PTPRT: variants seen among roughly 807,000 people sequenced by gnomAD.
PTPRT encodes receptor-type tyrosine-protein phosphatase T.
A neutral mutation model predicts 176.8 loss-of-function variants in PTPRT; 56 were observed. The ratio of observed to expected loss-of-function variants is 0.32; its 90% CI spans 0.26 to 0.40. The LOEUF (loss-of-function observed/expected upper bound fraction) is 0.40. Among genes scored for constraint, PTPRT ranks in the 10% least tolerant of loss-of-function variants. The pLI is 1.00. For missense variants in PTPRT, 1,540 were observed against 1,908.2 expected (o/e 0.81, Z 3.60); for synonymous variants, 783 against 739.0 (o/e 1.06, Z -0.96).
intron 11 of PTPRT, among the ~76,000 whole-genome samples, chr20:42,350,218 T>TG (rs1454644605): frequency 6.8e-5 from 3 of 44,402 alleles, no homozygotes; most frequent in South Asian, 1.2e-3. Context: ...TTTCTTGTTT[T>TG]TTTTTTTTTT....
chr20:42,220,761 A>C (rs954807906), intron 15 of PTPRT, among the ~76,000 whole-genome samples: 1 of 152,218 alleles, frequency 6.6e-6, no homozygotes, highest in African/African-American at 2.4e-5. Flanking sequence ...ATAGGATACT[A>C]TAAACAAAAA....
intron 2 of PTPRT, among the ~76,000 whole-genome samples, chr20:42,865,892 A>T (rs1349323156): frequency 1.3e-5 from 2 of 152,104 alleles, no homozygotes; most frequent in Non-Finnish European, 2.9e-5. Flanking sequence ...TCAGGCTCCC[A>T]TTCCTCTACC....
Position 42,403,164 on chromosome 20 carries a change from G to C in PTPRT, c.1560+45056C>G, listed in dbSNP as rs562482250. On this transcript the variant is annotated intron_variant, in intron 9 of 30. Transcript: ENST00000373187. ...ATAGTTTCAGTCATTCTAGGTATACGATTTTTGCATTTTGCATATATTGCT... is the reference window on the plus strand; with the variant it reads ...ATAGTTTCAGTCATTCTAGGTATACCATTTTTGCATTTTGCATATATTGCT... Among the ~76,000 whole-genome samples, 3 of 151,962 alleles carry C rather than the reference G, an allele frequency of 2.0e-5. No homozygotes were observed. The East Asian group carries it at 5.8e-4, about 30-fold the overall frequency.
At chr20:42,106,673 A>C in intron 24 of PTPRT, 113 bp downstream of exon 24, 1 of 1,394,958 alleles carries the variant, frequency 7.2e-7, no homozygotes, top group Non-Finnish European at 9.8e-7. Context: ...CTTCTCTCAC[A>C]CCCAGGTCCT....
chr20:42,821,144 T>C (rs2077886265), intron 2 of PTPRT, among the ~76,000 whole-genome samples: 1 of 152,134 alleles, frequency 6.6e-6, no homozygotes, highest in African/African-American at 2.4e-5. Flanking sequence ...CTGATAAACA[T>C]CAATGTGAAA....
At chr20:42,458,721 A>G (rs1032916748) in intron 8 of PTPRT, among the ~76,000 whole-genome samples, 1 of 152,194 alleles carries the variant, frequency 6.6e-6, no homozygotes, top group Non-Finnish European at 1.5e-5. Context: ...TAGAAGCTAT[A>G]TCTTCTCATA....
chr20:42,926,044 C>A (rs1285310362), intron 1 of PTPRT, among the ~76,000 whole-genome samples: 1 of 152,218 alleles, frequency 6.6e-6, no homozygotes, highest in Non-Finnish European at 1.5e-5. Flanking sequence ...GATGGGCCGT[C>A]CCCTCTCAGG....
In PTPRT at chr20:42,133,137, G is replaced by A. The variant is rs184200547; in HGVS notation, c.2771-4307C>T. Among the ~76,000 whole-genome samples, 29 of 152,258 alleles carry A rather than the reference G, an allele frequency of 1.9e-4. 1 individual carries two copies. Among genetic ancestry groups the A allele is most frequent in the African/African-American group, 7.0e-4 (29 of 41,550 alleles). On this transcript the variant is annotated intron_variant, in intron 18 of 30. Transcript: ENST00000373187. ...CATATTCTACACTTTATTATAAAAT[G>A]TACTTTGTATTAGATGATTTTGCCC...
chr20:42,703,844 A>T (rs1432853947), intron 6 of PTPRT, among the ~76,000 whole-genome samples: 1 of 152,150 alleles, frequency 6.6e-6, no homozygotes, highest in African/African-American at 2.4e-5. Flanking sequence ...TGCTCTAAGA[A>T]ATAGAAAAGC....
At chr20:43,156,373 T>A (rs1162332970) in intron 1 of PTPRT, among the ~76,000 whole-genome samples, 1 of 152,158 alleles carries the variant, frequency 6.6e-6, no homozygotes, top group Non-Finnish European at 1.5e-5. Context: ...TGTGGTTTCC[T>A]GGGAAGTTAA....
intron 1 of PTPRT, among the ~76,000 whole-genome samples, chr20:42,931,265 C>T (rs1979829885): frequency 6.6e-6 from 1 of 152,128 alleles, no homozygotes; most frequent in Admixed American, 6.6e-5. Flanking sequence ...GGTCCTAATC[C>T]AATGGGATTG....
chr20:42,245,822 A>C (rs1240893881), intron 14 of PTPRT, among the ~76,000 whole-genome samples: 2 of 152,020 alleles, frequency 1.3e-5, no homozygotes, highest in East Asian at 3.9e-4. Context: ...GGGGGCTTTG[A>C]GTCAGCTGAA....
chr20:42,385,127 G>A (rs1196161010), intron 9 of PTPRT, among the ~76,000 whole-genome samples: 1 of 152,048 alleles, frequency 6.6e-6, no homozygotes, highest in Non-Finnish European at 1.5e-5. Flanking sequence ...TGTTGTTTAT[G>A]CTTTTAATGT....
At chr20:42,259,800 C>A (rs1335106063) in intron 13 of PTPRT, among the ~76,000 whole-genome samples, 1 of 152,126 alleles carries the variant, frequency 6.6e-6, no homozygotes, top group Non-Finnish European at 1.5e-5. Context: ...GTCAAACTTG[C>A]CCACAAGTGT....
chr20:42,680,470 T>A lies in PTPRT; in HGVS notation c.860-2311A>T, dbSNP rs576278882. ...GGCAGGCAGATAATTTCTAAGCTCA[T>A]CCTTTGTGCATGTTAAATATATGGA... On this transcript the variant is annotated intron_variant, in intron 6 of 30. Coordinates refer to ENST00000373187, the MANE Select transcript of PTPRT (RefSeq NM_007050.6). 5.9e-5 allele frequency among the ~76,000 whole-genome samples: 9 copies of A among 152,338 alleles called. No homozygotes were observed. In the South Asian group the frequency reaches 1.9e-3, roughly 32 times the overall value.
At chr20:42,409,520 T>TAAAAAA (rs2058993773) in intron 9 of PTPRT, among the ~76,000 whole-genome samples, 1 of 123,150 alleles carries the variant, frequency 8.1e-6, no homozygotes, top group African/African-American at 3.3e-5. Context: ...AAAAAAAAAG[T>TAAAAAA]ATTATTTATA....
intron 3 of PTPRT, among the ~76,000 whole-genome samples, chr20:42,782,745 C>T (rs1056513444): frequency 2.1e-4 from 32 of 152,038 alleles, no homozygotes; most frequent in Admixed American, 2.0e-3. Flanking sequence ...TAAAGAAATG[C>T]AAATAAACAG....
intron 7 of PTPRT, among the ~76,000 whole-genome samples, chr20:42,638,176 T>C (rs74456596): frequency 0.022 from 3,399 of 152,254 alleles, 134 homozygotes; most frequent in African/African-American, 0.078. Context: ...CTCAGTTTGA[T>C]AGCCTCACCC....
At chr20:42,037,465 C>T in the PTPRT span, among the ~76,000 whole-genome samples, 7 of 152,308 alleles carry the variant, frequency 4.6e-5, no homozygotes, top group African/African-American at 1.7e-4. Context: ...CCCTTTCCTG[C>T]TCTGTGCAAA....
Sources: gnomAD v4.1 joint callset for allele counts (sites outside exome capture counted in the v4.1 genomes callset) on GRCh38, gnomAD v4.1.1 for gene constraint, MANE v1.5 for transcripts, NCBI Gene and HGNC (gene_info 2026-07-23, HGNC 2026-07-21) for gene names.